LRP1B: variants seen among roughly 807,000 people sequenced by gnomAD.
LRP1B encodes low-density lipoprotein receptor-related protein 1B.
In LRP1B, 217 loss-of-function variants were observed where a neutral mutation model predicts 556.6. That is an observed-to-expected ratio of 0.39 (90% CI 0.35 to 0.44). The LOEUF is 0.44. Ranked by LOEUF, LRP1B falls within the 20% of genes least tolerant of loss-of-function variation. The pLI, the probability that LRP1B is intolerant of heterozygous loss-of-function variation, is 1.00. For synonymous variants in LRP1B, 2,047 were observed against 1,865.8 expected (o/e 1.10, Z -2.50); for missense variants, 5,053 against 5,620.8 (o/e 0.90, Z 3.23).
chr2:140,456,685 T>G, intron 61 of LRP1B, 82 bp from the exon 62 acceptor site: 1 of 1,215,182 alleles, frequency 8.2e-7, no homozygotes, highest in Middle Eastern at 2.0e-4. Flanking sequence ...ATAGGACTTT[T>G]AAGCTGCATA....
At chr2:141,707,321 A>G (rs540732428) in intron 2 of LRP1B, among the ~76,000 whole-genome samples, 2 of 152,210 alleles carry the variant, frequency 1.3e-5, no homozygotes, top group African/African-American at 4.8e-5. Flanking sequence ...TGAATACCCA[A>G]TAACTATGAA....
chr2:141,188,436 A>C lies in LRP1B; in HGVS notation c.998T>G (p.Val333Gly). 1 of 1,611,948 alleles carries C rather than the reference A, an allele frequency of 6.2e-7. No individual in the cohort carries two copies. Among genetic ancestry groups the C allele is most frequent in the Non-Finnish European group, 8.5e-7 (1 of 1,178,882 alleles). ...AATTTCTTACCCTGCTATTGGATCT[A>C]CTGCTATTGCTTTAGGATTGTGAAG... ...LELHNPKAIAVDPIAGKLFFT... is the reference protein window; with the variant it reads ...LELHNPKAIAGDPIAGKLFFT... The change falls in exon 7 of 91, where the codon GTA becomes GGA. Residue 333 changes from valine (V) to glycine (G), a missense_variant. Val to Gly is a moderately radical substitution (Grantham distance 109). Around this residue, in one of 5 missense-constraint regions of LRP1B, gnomAD observed 3,619 missense variants for 3,931.9 expected, o/e 0.92. Coordinates refer to ENST00000389484, the MANE Select transcript of LRP1B (RefSeq NM_018557.3).
chr2:140,976,601 G>A (rs1221963875), intron 18 of LRP1B, among the ~76,000 whole-genome samples: 4 of 143,174 alleles, frequency 2.8e-5, no homozygotes, highest in Non-Finnish European at 1.5e-5. Context: ...TCCACCTCCC[G>A]GGTTCAAGCT....
At chr2:141,114,044 C>T (rs1700818966) in intron 7 of LRP1B, among the ~76,000 whole-genome samples, 1 of 152,192 alleles carries the variant, frequency 6.6e-6, no homozygotes, top group South Asian at 2.1e-4. Flanking sequence ...TAAAATGTCA[C>T]GAATTATGGT....
chr2:141,099,594 T>C (rs1471166774), intron 7 of LRP1B, among the ~76,000 whole-genome samples: 1 of 152,204 alleles, frequency 6.6e-6, no homozygotes, highest in African/African-American at 2.4e-5. Flanking sequence ...TGCACACATG[T>C]CTGCACACAT....
At chr2:141,128,035 G>A (rs1701260010) in intron 7 of LRP1B, among the ~76,000 whole-genome samples, 1 of 152,068 alleles carries the variant, frequency 6.6e-6, no homozygotes, top group African/African-American at 2.4e-5. Flanking sequence ...TATTGCCTAG[G>A]CTAGAAGCAA....
chr2:141,374,024 A>G (rs939296188), intron 3 of LRP1B, among the ~76,000 whole-genome samples: 1 of 152,038 alleles, frequency 6.6e-6, no homozygotes, highest in Non-Finnish European at 1.5e-5. Flanking sequence ...GATCCTTTTG[A>G]ACATTTCCTG....
chr2:140,974,631 CAG>C (rs1696536931), intron 18 of LRP1B, among the ~76,000 whole-genome samples: 1 of 152,074 alleles, frequency 6.6e-6, no homozygotes, highest in South Asian at 2.1e-4. Flanking sequence ...AGAAGAGAGA[CAG>C]AGAAACAAAA....
At chr2:141,044,919 G>A (rs1396512906) in intron 11 of LRP1B, among the ~76,000 whole-genome samples, 2 of 150,788 alleles carry the variant, frequency 1.3e-5, no homozygotes, top group African/African-American at 4.9e-5. Context: ...CCCATTACTG[G>A]GTATATACCC....
intron 1 of LRP1B, among the ~76,000 whole-genome samples, chr2:142,021,007 C>A (rs560484076): frequency 1.3e-5 from 2 of 152,156 alleles, no homozygotes; most frequent in Non-Finnish European, 2.9e-5. Context: ...CAAAATAGAA[C>A]CTTCTCTTTG....
chr2:141,821,562 G>C (rs1425981339), intron 1 of LRP1B, among the ~76,000 whole-genome samples: 1 of 152,162 alleles, frequency 6.6e-6, no homozygotes, highest in Non-Finnish European at 1.5e-5. Context: ...TTTGTAAGTA[G>C]CTGGTATCTG....
At chr2:141,088,777 T>C (rs4954880) in intron 7 of LRP1B, among the ~76,000 whole-genome samples, 126,692 of 152,074 alleles carry the variant, frequency 0.83, 53,454 homozygotes, top group Non-Finnish European at 0.89. Context: ...CTAGGGTGCT[T>C]CAAATGGGAA....
chr2:142,083,034 A>AT (rs1361878009), intron 1 of LRP1B, among the ~76,000 whole-genome samples: 13 of 152,154 alleles, frequency 8.5e-5, no homozygotes, highest in Middle Eastern at 6.3e-3. Context: ...CAGAGAAAAG[A>AT]TTTTGGGGTG....
chr2:140,603,951 T>G (rs999044521), intron 41 of LRP1B, among the ~76,000 whole-genome samples: 2 of 152,130 alleles, frequency 1.3e-5, no homozygotes, highest in African/African-American at 4.8e-5. Flanking sequence ...GCATGTGGCA[T>G]GTATATGTGT....
At chr2:140,304,808 AATC>A in intron 83 of LRP1B, among the ~76,000 whole-genome samples, 1 of 152,170 alleles carries the variant, frequency 6.6e-6, no homozygotes, top group Non-Finnish European at 1.5e-5. Flanking sequence ...TTAAGTCTTT[AATC>A]CATCTTGAAT....
intron 25 of LRP1B, among the ~76,000 whole-genome samples, chr2:140,878,149 T>C (rs1693368151): frequency 1.3e-5 from 2 of 152,178 alleles, no homozygotes; most frequent in Admixed American, 6.6e-5. Flanking sequence ...TTAAGCTAGA[T>C]AATGGGTACA....
chr2:141,775,582 T>A (rs1212447331), intron 2 of LRP1B, among the ~76,000 whole-genome samples: 1 of 152,298 alleles, frequency 6.6e-6, no homozygotes, highest in South Asian at 2.1e-4. Flanking sequence ...CCTCACAGAT[T>A]GAAATATAGG....
rs1486637428 is a variant in LRP1B at position 140,995,248 on chromosome 2, T to C, written c.2504-1113A>G. Among the ~76,000 whole-genome samples, 2 of 152,156 alleles carry C rather than the reference T, an allele frequency of 1.3e-5. 1 individual carries two copies. Among genetic ancestry groups the C allele is most frequent in the South Asian group, 4.1e-4 (2 of 4,828 alleles). On this transcript the variant is annotated intron_variant, in intron 15 of 90. Transcript: ENST00000389484. ...CTTTCTTGCAAAACAACATGCAACA[T>C]TTCTGCTTTTTAGAAAACTTCCAAC...
chr2:140,855,908 T>A (rs1203206795), intron 27 of LRP1B, among the ~76,000 whole-genome samples: 1 of 152,160 alleles, frequency 6.6e-6, no homozygotes, highest in African/African-American at 2.4e-5. Flanking sequence ...ATTTTTTTAT[T>A]TCATTTTCAC....
Sources: gnomAD v4.1 joint callset for allele counts (sites outside exome capture counted in the v4.1 genomes callset) on GRCh38, gnomAD v4.1.1 for gene constraint, gnomAD v4.1.1 regional missense constraint, MANE v1.5 for transcripts, NCBI Gene and HGNC (gene_info 2026-07-23, HGNC 2026-07-21) for gene names.